The following FRMPD4 variants were observed in gnomAD, a reference collection of about 807,000 sequenced individuals.
The protein encoded by FRMPD4 is FERM and PDZ domain containing 4, also known as FERM and PDZ domain-containing protein 4.
A neutral mutation model predicts 94.1 loss-of-function variants in FRMPD4; 22 were observed. That is an observed-to-expected ratio of 0.23 (90% CI 0.17 to 0.33). FRMPD4 has a LOEUF of 0.33. Ranked by LOEUF, FRMPD4 falls within the 10% of genes least tolerant of loss-of-function variation. FRMPD4 has a pLI of 1.00. For missense variants in FRMPD4, 1,111 were observed against 1,339.9 expected (o/e 0.83, Z 2.67); for synonymous variants, 631 against 548.6 (o/e 1.15, Z -2.10).
chrX:11,906,525 A>T (rs1486829897), intron 3 of FRMPD4, among the ~76,000 whole-genome samples: 1 of 111,259 alleles, frequency 9.0e-6, no homozygotes, highest in African/African-American at 3.3e-5. Flanking sequence ...GGGTTTTTTC[A>T]TTCTGAATAT....
intron 2 of FRMPD4, among the ~76,000 whole-genome samples, chrX:12,590,669 A>C (rs981386697): frequency 8.9e-6 from 1 of 112,112 alleles, no homozygotes; most frequent in Non-Finnish European, 1.9e-5. Context: ...TATGCCATAC[A>C]CTGTCAGAGA....
At chrX:12,359,276 C>T (rs1335934563) in intron 1 of FRMPD4, among the ~76,000 whole-genome samples, 1 of 111,428 alleles carries the variant, frequency 9.0e-6, no homozygotes, top group Non-Finnish European at 1.9e-5. Flanking sequence ...GGTGGGAGTA[C>T]AGAAATATAC....
chrX:12,296,839 A>C (rs1457508665), intron 1 of FRMPD4, among the ~76,000 whole-genome samples: 1 of 112,110 alleles, frequency 8.9e-6, no homozygotes, highest in African/African-American at 3.2e-5. Context: ...TGGGATGGGG[A>C]AAGGGACATA....
At chrX:12,491,293 T>TA (rs1231062048) in intron 1 of FRMPD4, among the ~76,000 whole-genome samples, 1 of 112,457 alleles carries the variant, frequency 8.9e-6, no homozygotes, top group Non-Finnish European at 1.9e-5. Flanking sequence ...CGCAAGAATT[T>TA]AAAAAACCAC....
At chrX:12,417,167 T>G (rs1354187039) in intron 1 of FRMPD4, among the ~76,000 whole-genome samples, 4 of 111,659 alleles carry the variant, frequency 3.6e-5, no homozygotes, top group Non-Finnish European at 7.5e-5. Flanking sequence ...AAGCTACTTT[T>G]TGCATTGCCA....
At chrX:12,374,503 G>C (rs2056206726) in intron 1 of FRMPD4, among the ~76,000 whole-genome samples, 1 of 111,599 alleles carries the variant, frequency 9.0e-6, no homozygotes, top group East Asian at 2.8e-4. Flanking sequence ...GCTTGCCTGG[G>C]GAGCAAAACT....
intron 4 of FRMPD4, among the ~76,000 whole-genome samples, chrX:12,662,823 G>A (rs1167162635): frequency 8.9e-6 from 1 of 112,448 alleles, no homozygotes; most frequent in Non-Finnish European, 1.9e-5. Flanking sequence ...CACCAACAGT[G>A]TAAAAGCATG....
intron 1 of FRMPD4, among the ~76,000 whole-genome samples, chrX:12,492,643 C>T (rs1490585929): frequency 9.0e-6 from 1 of 111,482 alleles, no homozygotes; most frequent in Non-Finnish European, 1.9e-5. Flanking sequence ...CTATATTTTC[C>T]TGTCCTCCTT....
At chrX:12,170,055 A>G (rs900388717) in intron 1 of FRMPD4, among the ~76,000 whole-genome samples, 1 of 111,983 alleles carries the variant, frequency 8.9e-6, no homozygotes. Context: ...CAGTGCCATG[A>G]AAAGTATAGA....
chrX:12,149,990 T>C (rs1786032290), intron 1 of FRMPD4, among the ~76,000 whole-genome samples: 1 of 112,481 alleles, frequency 8.9e-6, no homozygotes, highest in African/African-American at 3.2e-5. Context: ...AACAATAAAG[T>C]ATTTATAAAC....
Position 12,606,611 on chromosome X carries a change from G to A in FRMPD4, c.159-3110G>A, listed in dbSNP as rs530827425. On this transcript the variant is annotated intron_variant, in intron 2 of 16. Coordinates refer to ENST00000675598, the MANE Select transcript of FRMPD4 (RefSeq NM_001368397.1). ...GGAACCGAGAGTTGCACCAACCTCG[G>A]TTCTAAAACACGTGTGACCATTAGC... Among the ~76,000 whole-genome samples, 24 of 111,368 alleles carry A rather than the reference G, an allele frequency of 2.2e-4. 1 individual carries two copies. In the South Asian group the frequency reaches 9.2e-3, roughly 43 times the overall value.
intron 2 of FRMPD4, among the ~76,000 whole-genome samples, chrX:12,556,041 C>A (rs754309511): frequency 9.0e-6 from 1 of 110,634 alleles, no homozygotes; most frequent in African/African-American, 3.3e-5. Context: ...CTCAGCCTCC[C>A]GAGAAGATGG....
chrX:12,264,104 G>C (rs1205524851), intron 1 of FRMPD4, among the ~76,000 whole-genome samples: 1 of 111,559 alleles, frequency 9.0e-6, no homozygotes, highest in Non-Finnish European at 1.9e-5. Context: ...AGAAGAGTCA[G>C]TGGTGACTCT....
chrX:11,984,203 G>A (rs968457526), intron 3 of FRMPD4, among the ~76,000 whole-genome samples: 8 of 111,952 alleles, frequency 7.1e-5, no homozygotes, highest in African/African-American at 2.6e-4. Context: ...TAAAGCTTTG[G>A]CTAACTTTCT....
At chrX:11,935,009 C>A (rs1041039144) in intron 3 of FRMPD4, among the ~76,000 whole-genome samples, 7 of 107,006 alleles carry the variant, frequency 6.5e-5, no homozygotes, top group Non-Finnish European at 1.1e-4. Flanking sequence ...CTTTCATATA[C>A]ACCAATTTGT....
At chrX:12,312,085 T>C (rs1313830929) in intron 1 of FRMPD4, among the ~76,000 whole-genome samples, 4 of 110,717 alleles carry the variant, frequency 3.6e-5, no homozygotes, top group Non-Finnish European at 5.7e-5. Flanking sequence ...TGCTCCACTC[T>C]GGATAATTTA....
chrX:12,553,761 T>A (rs2058565943), intron 2 of FRMPD4, among the ~76,000 whole-genome samples: 1 of 110,335 alleles, frequency 9.1e-6, no homozygotes, highest in Admixed American at 9.8e-5. Flanking sequence ...CAGAAGAAAC[T>A]ATGTAATTTC....
At chrX:12,417,618 C>A (rs2056822041) in intron 1 of FRMPD4, among the ~76,000 whole-genome samples, 1 of 106,459 alleles carries the variant, frequency 9.4e-6, no homozygotes, top group African/African-American at 3.4e-5. Context: ...AATTTGATAA[C>A]TTTATTATCA....
chrX:12,377,066 CA>C (rs1261891279), intron 1 of FRMPD4, among the ~76,000 whole-genome samples: 2 of 112,041 alleles, frequency 1.8e-5, no homozygotes, highest in African/African-American at 3.2e-5. Context: ...GCATGTTTTC[CA>C]AACTCACAGG....
Sources: gnomAD v4.1 joint callset for allele counts (sites outside exome capture counted in the v4.1 genomes callset) on GRCh38, gnomAD v4.1.1 for gene constraint, MANE v1.5 for transcripts, NCBI Gene and HGNC (gene_info 2026-07-23, HGNC 2026-07-21) for gene names.